Variants in INTS6 observed in about 807,000 individuals in gnomAD.
INTS6 encodes DEAD box protein.
Under a neutral mutation model 104.9 loss-of-function variants are expected in INTS6, and 16 were observed. The ratio of observed to expected loss-of-function variants is 0.15; its 90% CI spans 0.10 to 0.23. INTS6 has a LOEUF of 0.23. Ranked by LOEUF, INTS6 falls within the 10% of genes least tolerant of loss-of-function variation. The probability of loss-of-function intolerance (pLI) is 1.00; values close to 1 mark genes in which losing one functional copy is unlikely to be tolerated. For missense variants in INTS6, 584 were observed against 1,062.8 expected (o/e 0.55, Z 6.26); for synonymous variants, 324 against 358.7 (o/e 0.90, Z 1.09).
chr13:51,364,176 C>A lies in INTS6; in HGVS notation c.*1576G>T. ...TTAAAAGTATTTGTATAGAAGTAAA[C>A]AAAGCTTAAAGAACTGCATATGAAA... On this transcript the variant is annotated 3_prime_UTR_variant, in exon 18 of 18. Transcript: ENST00000311234. 1.3e-6 allele frequency: 1 copy of A among 790,148 alleles called. No homozygotes were observed. Among genetic ancestry groups the A allele is most frequent in the Non-Finnish European group, 1.9e-6 (1 of 513,602 alleles). 48.9% of individuals were successfully genotyped at this position (790,148 alleles called of 1,614,324 possible).
At chr13:51,357,937 C>T (rs1454968524), downstream of INTS6, among the ~76,000 whole-genome samples, 2 of 152,114 alleles carry the variant, frequency 1.3e-5, no homozygotes, top group Non-Finnish European at 1.5e-5. Context: ...TTCTCTGTTA[C>T]TATGACTTAA....
rs1302432053 is a variant in INTS6 at position 51,389,336 on chromosome 13, T to A, written c.722A>T (p.Asp241Val). The change falls in exon 6 of 18, where the codon GAT becomes GTT. Residue 241 changes from aspartate to valine, a missense_variant. By Grantham distance (152) the Asp-to-Val change is radical. Transcript: ENST00000311234. The part of the protein sequence containing the change: ...VVINFEKAGP[D>V]PSPVEDGQPD... ...AATAATACCTTCTACAGGGGAAGGATCTGGTCCTGCTTTTTCAAAGTTTAT... is the reference window on the plus strand; with the variant it reads ...AATAATACCTTCTACAGGGGAAGGAACTGGTCCTGCTTTTTCAAAGTTTAT... 1 of 1,613,504 alleles carries A rather than the reference T, an allele frequency of 6.2e-7. No individual in the cohort carries two copies. The highest frequency in any genetic ancestry group is 8.5e-7 in the Non-Finnish European group (1 of 1,179,740).
chr13:51,405,445 C>T (rs1956544212), intron 4 of INTS6, among the ~76,000 whole-genome samples: 1 of 152,144 alleles, frequency 6.6e-6, no homozygotes, highest in Admixed American at 6.5e-5. Context: ...CTTCGTTCCC[C>T]AGTCCTCTCA....
chr13:51,339,678 A>G, the INTS6 span: 2 of 152,228 alleles, frequency 1.3e-5, no homozygotes, highest in African/African-American at 4.8e-5. Context: ...AGGGGAGCAC[A>G]TGAATGCTGG....
chr13:51,400,851 G>T (rs1956424295), intron 4 of INTS6, among the ~76,000 whole-genome samples: 1 of 151,372 alleles, frequency 6.6e-6, no homozygotes, highest in Admixed American at 6.6e-5. Flanking sequence ...GAACAAGGGA[G>T]ACTACACACT....
intron 15 of INTS6, 94 bp downstream of exon 15, chr13:51,374,114 A>G (rs1566207527): frequency 6.4e-6 from 6 of 934,892 alleles, no homozygotes; most frequent in Non-Finnish European, 1.0e-5. Context: ...TTGTACTACT[A>G]ATCAATTTCC....
intron 4 of INTS6, among the ~76,000 whole-genome samples, chr13:51,424,513 T>C (rs1299246646): frequency 6.6e-6 from 1 of 152,090 alleles, no homozygotes. Flanking sequence ...ATTGCAGATG[T>C]ATATATTCCT....
At chr13:51,438,494 G>A (rs1196801438) in intron 3 of INTS6, 1 of 152,142 alleles carries the variant, frequency 6.6e-6, no homozygotes, top group Non-Finnish European at 1.5e-5. Context: ...TGTTACTAAA[G>A]CTCATTAAAA....
At chr13:51,410,723 A>C (rs746515689) in intron 4 of INTS6, among the ~76,000 whole-genome samples, 11 of 152,212 alleles carry the variant, frequency 7.2e-5, no homozygotes, top group Non-Finnish European at 1.0e-4. Context: ...ACTCTTCAAA[A>C]GACACTCTAA....
the INTS6 span, chr13:51,344,486 G>A: frequency 6.4e-7 from 1 of 1,565,260 alleles, no homozygotes; most frequent in Non-Finnish European, 8.7e-7. Context: ...GAGACTGCAG[G>A]TAAAAGAAAA....
chr13:51,432,149 C>T (rs1957103242), intron 3 of INTS6, among the ~76,000 whole-genome samples: 1 of 152,086 alleles, frequency 6.6e-6, no homozygotes. Flanking sequence ...TCCCTGATTA[C>T]TATGGCCTTT....
chr13:51,379,758 A>G (rs1046634944), intron 10 of INTS6, among the ~76,000 whole-genome samples, 186 bp from the exon 11 acceptor site: 2 of 152,088 alleles, frequency 1.3e-5, no homozygotes, highest in African/African-American at 4.8e-5. Context: ...CGTTTGAAGT[A>G]GTTAAAAAGG....
the INTS6 span, among the ~76,000 whole-genome samples, chr13:51,344,856 G>A: frequency 6.6e-6 from 1 of 152,106 alleles, no homozygotes; most frequent in Admixed American, 6.5e-5. Flanking sequence ...CACCTGTGAT[G>A]GCAAAGTGCA....
At chr13:51,351,365 A>G (rs1955401203), downstream of INTS6, among the ~76,000 whole-genome samples, 1 of 152,132 alleles carries the variant, frequency 6.6e-6, no homozygotes, top group African/African-American at 2.4e-5. Flanking sequence ...GTAGTATCTC[A>G]TTGTGGACTT....
chr13:51,423,022 T>C, intron 4 of INTS6: 3 of 1,259,074 alleles, frequency 2.4e-6, no homozygotes, highest in Non-Finnish European at 1.0e-6. Context: ...AAATGTTTAT[T>C]TACTTGCCTG....
chr13:51,425,303 T>C (rs1486210123), intron 4 of INTS6, among the ~76,000 whole-genome samples: 1 of 152,222 alleles, frequency 6.6e-6, no homozygotes, highest in South Asian at 2.1e-4. Flanking sequence ...TCTCTTTCTA[T>C]GAAGACATGC....
At chr13:51,383,101 C>CA (rs565821299) in intron 9 of INTS6, among the ~76,000 whole-genome samples, 2,850 of 145,288 alleles carry the variant, frequency 0.02, 43 homozygotes, top group African/African-American at 0.047. Flanking sequence ...CACCCCCCCG[C>CA]AAAAAAAAAT....
the INTS6 span, among the ~76,000 whole-genome samples, chr13:51,335,609 T>C: frequency 6.6e-6 from 1 of 152,214 alleles, no homozygotes. Context: ...AATTCTCTGG[T>C]AAACATCCTA....
At chr13:51,404,099 CACACAG>C (rs1225625019) in intron 4 of INTS6, among the ~76,000 whole-genome samples, 28 of 135,816 alleles carry the variant, frequency 2.1e-4, no homozygotes, top group African/African-American at 5.7e-4. Flanking sequence ...CACACACACA[CACACAG>C]AGAGAGAGAG....
Sources: gnomAD v4.1 joint callset for allele counts (sites outside exome capture counted in the v4.1 genomes callset) on GRCh38, gnomAD v4.1.1 for gene constraint, MANE v1.5 for transcripts, NCBI Gene and HGNC (gene_info 2026-07-23, HGNC 2026-07-21) for gene names.